Variants in TTYH2 observed in about 807,000 individuals in gnomAD.
TTYH2 encodes the protein tweety family member 2.
In TTYH2, 49 loss-of-function variants were observed where a neutral mutation model predicts 68.3. The ratio of observed to expected loss-of-function variants is 0.72; its 90% CI spans 0.57 to 0.91. The LOEUF (loss-of-function observed/expected upper bound fraction) is 0.91. Among genes scored for constraint, TTYH2 ranks in the 40% least tolerant of loss-of-function variants. The pLI, the probability that TTYH2 is intolerant of heterozygous loss-of-function variation, is 0.00. For missense variants in TTYH2, 631 were observed against 700.4 expected (o/e 0.90, Z 1.12); for synonymous variants, 272 against 300.8 (o/e 0.90, Z 0.99).
intron 12 of TTYH2, 30 bp downstream of exon 12, chr17:74,253,296 TA>T: frequency 1.3e-6 from 2 of 1,548,374 alleles, no homozygotes; most frequent in Non-Finnish European, 1.7e-6. Context: ...CCAGGCTGGG[TA>T]GCACTGCCCG....
At chr17:74,238,826 C>T (rs1054822895) in intron 4 of TTYH2, among the ~76,000 whole-genome samples, 4 of 150,904 alleles carry the variant, frequency 2.7e-5, no homozygotes, top group Non-Finnish European at 5.9e-5. Flanking sequence ...AAGATCATGC[C>T]ATCACACTCC....
At chr17:74,249,830 G>A (rs1300755316) in intron 8 of TTYH2, 106 bp from the exon 9 acceptor site, 29 of 1,328,296 alleles carry the variant, frequency 2.2e-5, no homozygotes, top group Non-Finnish European at 3.1e-5. Context: ...GGAGGGGCAG[G>A]AGCATAGGCC....
chr17:74,238,998 A>AG (rs2050472567), intron 4 of TTYH2, among the ~76,000 whole-genome samples: 1 of 152,062 alleles, frequency 6.6e-6, no homozygotes, highest in Non-Finnish European at 1.5e-5. Context: ...GACATGAGCC[A>AG]CCATGCCCAG....
At chr17:74,237,705 C>T (rs1396324280) in intron 4 of TTYH2, among the ~76,000 whole-genome samples, 191 bp downstream of exon 4, 1 of 152,110 alleles carries the variant, frequency 6.6e-6, no homozygotes, top group African/African-American at 2.4e-5. Flanking sequence ...CAGCTCACTA[C>T]AATCTCTACC....
intron 6 of TTYH2, among the ~76,000 whole-genome samples, chr17:74,247,779 A>C (rs1444194770): frequency 1.3e-5 from 2 of 152,104 alleles, no homozygotes; most frequent in South Asian, 4.1e-4. Context: ...GGCCAGGTTG[A>C]TGTATTATGA....
chr17:74,218,576 G>A (rs958179119), intron 1 of TTYH2, among the ~76,000 whole-genome samples: 12 of 151,566 alleles, frequency 7.9e-5, no homozygotes, highest in African/African-American at 2.4e-4. Flanking sequence ...CTCAGGCCTC[G>A]CTTTCACTGG....
chr17:74,215,797 C>A lies in TTYH2; in HGVS notation c.129+2081C>A. 1 of 1,351,604 alleles carries A rather than the reference C, an allele frequency of 7.4e-7. No individual in the cohort carries two copies. The highest frequency in any genetic ancestry group is 1.0e-6 in the Non-Finnish European group (1 of 980,596). 83.7% of individuals were successfully genotyped at this position (1,351,604 alleles called of 1,614,324 possible). On this transcript the variant is annotated intron_variant, in intron 1 of 13. Transcript: ENST00000269346. The surrounding 1 kb of genome is among the most constrained non-coding windows in gnomAD (Gnocchi z 4.3). The stretch of plus-strand genomic sequence containing the variant: ...CAGTCACTAACAGAGTCAGGTGGAC[C>A]GTCGGTCATCCCAGTCTTCAGCAAG...
At chr17:74,220,175 G>A (rs939304727) in intron 1 of TTYH2, among the ~76,000 whole-genome samples, 1 of 152,152 alleles carries the variant, frequency 6.6e-6, no homozygotes, top group Non-Finnish European at 1.5e-5. Context: ...GGATCCCTGG[G>A]CTTTAGCAGA....
rs531118493 is a variant in TTYH2, at chr17:74,227,903, G to A, written c.303-2985G>A. Among the ~76,000 whole-genome samples the A allele has an allele frequency of 1.3e-4, 20 of 151,698 alleles. No individual in the cohort carries two copies. In the East Asian group the frequency reaches 3.3e-3, roughly 25 times the overall value. Reference sequence around the variant, plus strand: ...AGGCTCCCCAGGTGATTCTGTTCCCGTGGTCTGAGGACCACATCCTGAAAA... The same window carrying A: ...AGGCTCCCCAGGTGATTCTGTTCCCATGGTCTGAGGACCACATCCTGAAAA... On this transcript the variant is annotated intron_variant, in intron 2 of 13. Transcript: ENST00000269346.
Position 74,260,500 on chromosome 17 carries a change from G to A in TTYH2, c.*291G>A, listed in dbSNP as rs895349074. The A allele has an allele frequency of 1.9e-5, 8 of 432,206 alleles. No homozygotes were observed. Among genetic ancestry groups the A allele is most frequent in the East Asian group, 8.8e-5 (2 of 22,708 alleles). The allele number at this position is 432,206 out of a possible 1,614,324, so 26.8% of individuals were successfully genotyped here. ...GCTGCCTGGCCCTGCTCACCCCTAC[G>A]CCTCGCCCTTGCCAGGAGGGGAGTG... On this transcript the variant is annotated 3_prime_UTR_variant, in exon 14 of 14. Coordinates refer to ENST00000269346, the MANE Select transcript of TTYH2 (RefSeq NM_032646.6).
chr17:74,215,419 C>A lies in TTYH2; in HGVS notation c.129+1703C>A, dbSNP rs1159372016. The stretch of plus-strand genomic sequence containing the variant: ...TGGTGGATCCTGGGCCTGCCCACAG[C>A]CCCCTCAGTCCCATGGGCAGGTGGC... On this transcript the variant is annotated intron_variant, in intron 1 of 13. Transcript: ENST00000269346. The surrounding 1 kb of genome is among the most constrained non-coding windows in gnomAD (Gnocchi z 4.3). 1.3e-5 allele frequency among the ~76,000 whole-genome samples: 2 copies of A among 152,180 alleles called. No individual in the cohort carries two copies. The highest frequency in any genetic ancestry group is 4.8e-5 in the African/African-American group (2 of 41,454).
In TTYH2 at chr17:74,239,827, G is replaced by A. The variant is rs1157180899; in HGVS notation, c.635+2313G>A. On this transcript the variant is annotated intron_variant, in intron 4 of 13. Transcript: ENST00000269346. This position sits in a 1 kb window ranked among gnomAD's most constrained non-coding sequence, Gnocchi z 5.3. ...CCTCCTGTGGCCCCAAAACAGGGGT[G>A]TCTGATGATTCTCCTGATGCATGGG... 2.6e-5 allele frequency among the ~76,000 whole-genome samples: 4 copies of A among 152,208 alleles called. No individual in the cohort carries two copies. Among genetic ancestry groups the A allele is most frequent in the African/African-American group, 4.8e-5 (2 of 41,448 alleles).
At chr17:74,253,315 T>C in intron 12 of TTYH2, 49 bp downstream of exon 12, 1 of 1,518,980 alleles carries the variant, frequency 6.6e-7, no homozygotes, top group Non-Finnish European at 8.8e-7. Context: ...CCGGACAGCA[T>C]GTTGGGTGGG....
intron 4 of TTYH2, among the ~76,000 whole-genome samples, chr17:74,242,511 G>GCCTC (rs2050511984): frequency 6.6e-6 from 1 of 152,150 alleles, no homozygotes. Flanking sequence ...TCCTGCATCA[G>GCCTC]CCTCCCGAGT....
Position 74,250,333 on chromosome 17 carries a change from G to T in TTYH2, c.1092G>T (p.Met364Ile). Residue 364 changes from methionine to isoleucine, a missense_variant, in exon 10 of 14, where the codon ATG becomes ATT. Met to Ile is a conservative substitution (Grantham distance 10). Coordinates refer to ENST00000269346, the MANE Select transcript of TTYH2 (RefSeq NM_032646.6). ...SESSLHQLTA[M>I]VDCRGLHKDY... The stretch of plus-strand genomic sequence containing the variant: ...CCAGCCTTCACCAGCTGACCGCCAT[G>T]GTGGACTGCCGAGGGCTGCACAAGG... 1 of 1,613,540 alleles carries T rather than the reference G, an allele frequency of 6.2e-7. No individual in the cohort carries two copies. The highest frequency in any genetic ancestry group is 8.5e-7 in the Non-Finnish European group (1 of 1,179,744).
intron 3 of TTYH2, among the ~76,000 whole-genome samples, chr17:74,235,895 CAAA>C (rs538914752): frequency 1.8e-5 from 1 of 55,090 alleles, no homozygotes. Flanking sequence ...GACTCCATCT[CAAA>C]AAAAAAAAAA....
chr17:74,218,754 C>T (rs553083362), intron 1 of TTYH2, among the ~76,000 whole-genome samples: 3 of 152,194 alleles, frequency 2.0e-5, no homozygotes, highest in South Asian at 2.1e-4. Flanking sequence ...TGATCCTTCT[C>T]GGACGAGCCT....
intron 1 of TTYH2, among the ~76,000 whole-genome samples, chr17:74,221,447 G>A (rs1359779521): frequency 2.0e-5 from 3 of 152,108 alleles, no homozygotes; most frequent in Non-Finnish European, 2.9e-5. Flanking sequence ...GCCACCCCCT[G>A]CATAGGACTC....
rs1404491197 is a variant in TTYH2 at position 74,230,984 on chromosome 17, T to C, written c.399T>C (p.Ser133=). Residue 133 remains serine (S), a synonymous_variant, in exon 3 of 14, where the codon TCT becomes TCC. Transcript: ENST00000269346. Reference sequence around the variant, plus strand: ...TGGACGATGCCAACCACACCTTCTCTGGGATCGATGCTCTGGTAAGGCTCC... The same window carrying C: ...TGGACGATGCCAACCACACCTTCTCCGGGATCGATGCTCTGGTAAGGCTCC... ...YSLDDANHTF[S]GIDALVSGTT... is the part of the protein sequence containing the mutation. The C allele has an allele frequency of 6.2e-7, 1 of 1,613,856 alleles. No homozygotes were observed. Among genetic ancestry groups the C allele is most frequent in the Admixed American group, 1.7e-5 (1 of 60,002 alleles).
Sources: allele counts gnomAD v4.1 joint callset (sites outside exome capture counted in the v4.1 genomes callset), GRCh38; gene constraint gnomAD v4.1.1; non-coding constraint Gnocchi (gnomAD v3.1); transcripts MANE v1.5; gene names NCBI Gene and HGNC (gene_info 2026-07-23, HGNC 2026-07-21).